Variants in RSPO4 observed in about 807,000 individuals in gnomAD.
RSPO4 encodes the protein R-spondin-4.
In RSPO4, 23 loss-of-function variants were observed where a neutral mutation model predicts 24.8. The ratio of observed to expected loss-of-function variants is 0.93; its 90% CI spans 0.67 to 1.31. The LOEUF is 1.31. Ranked by LOEUF, RSPO4 falls within the 40% of genes most tolerant of loss-of-function variation. RSPO4 has a pLI of 0.00. For synonymous variants in RSPO4, 141 were observed against 127.4 expected, an observed-to-expected ratio of 1.11 and a Z score of -0.72; for missense variants, 333 against 316.5, an observed-to-expected ratio of 1.05 and a Z score of -0.39.
chr20:977,523 T>C (rs1984602802), intron 1 of RSPO4, among the ~76,000 whole-genome samples: 2 of 152,188 alleles, frequency 1.3e-5, no homozygotes, highest in Non-Finnish European at 2.9e-5. Flanking sequence ...GTTACTACCA[T>C]TATTATCACC....
chr20:967,122 C>CGCTCCAGGGAGAGGGGAGGGGCAGGG, intron 3 of RSPO4, 52 bp downstream of exon 3: 1 of 1,580,234 alleles, frequency 6.3e-7, no homozygotes, highest in East Asian at 2.2e-5. Context: ...ACCAAGCCCC[C>CGCTCCAGGGAGAGGGGAGGGGCAGGG]GCTCCAGGGA....
At chr20:980,662 A>G (rs1472097994) in intron 1 of RSPO4, among the ~76,000 whole-genome samples, 7 of 152,080 alleles carry the variant, frequency 4.6e-5, no homozygotes, top group Admixed American at 3.3e-4. Flanking sequence ...GTTGACCTAT[A>G]TGGGCTGGTT....
At chr20:962,812 G>A (rs1208579160) in intron 4 of RSPO4, among the ~76,000 whole-genome samples, 2 of 152,122 alleles carry the variant, frequency 1.3e-5, no homozygotes, top group Non-Finnish European at 2.9e-5. Flanking sequence ...TTTGCATGAC[G>A]AGTTACGTTT....
chr20:967,587 C>A (rs2122217249), intron 2 of RSPO4, among the ~76,000 whole-genome samples: 1 of 152,330 alleles, frequency 6.6e-6, no homozygotes, highest in African/African-American at 2.4e-5. Context: ...GGACTCCCTG[C>A]TTCTTTTTCA....
chr20:990,439 A>C (rs140583486), intron 1 of RSPO4, among the ~76,000 whole-genome samples: 1 of 151,592 alleles, frequency 6.6e-6, no homozygotes, highest in East Asian at 1.9e-4. Flanking sequence ...GTTTTCCTTC[A>C]TTCTTTCTCT....
At chr20:974,907 A>G (rs1984515969) in intron 1 of RSPO4, among the ~76,000 whole-genome samples, 1 of 152,164 alleles carries the variant, frequency 6.6e-6, no homozygotes, top group Non-Finnish European at 1.5e-5. Flanking sequence ...TTGCAACCAG[A>G]TGATTCCCGA....
At chr20:992,644 T>C (rs1963076607) in intron 1 of RSPO4, among the ~76,000 whole-genome samples, 2 of 152,094 alleles carry the variant, frequency 1.3e-5, no homozygotes, top group African/African-American at 4.8e-5. Context: ...GCTCTTATTG[T>C]CCCCATTGTA....
At chr20:979,054 C>T (rs1400994707) in intron 1 of RSPO4, among the ~76,000 whole-genome samples, 6 of 152,160 alleles carry the variant, frequency 3.9e-5, no homozygotes, top group Non-Finnish European at 8.8e-5. Context: ...AAGACTTCAG[C>T]GGCATCCTTG....
chr20:974,480 T>C (rs1466265340), intron 1 of RSPO4, among the ~76,000 whole-genome samples: 1 of 152,260 alleles, frequency 6.6e-6, no homozygotes, highest in African/African-American at 2.4e-5. Flanking sequence ...TAACAGAGGC[T>C]CTGCTCCTCT....
In RSPO4 at chr20:960,222, T is replaced by A; in HGVS notation, c.*135A>T. The A allele has an allele frequency of 4.8e-6, 3 of 630,356 alleles. No homozygotes were observed. The highest frequency in any genetic ancestry group is 2.8e-5 in the East Asian group (1 of 35,382). 39.0% of individuals were successfully genotyped at this position (630,356 alleles called of 1,614,324 possible). A position where few individuals can be genotyped will look rare whatever the true frequency, so the allele number is the denominator to read the frequency against. ...AAGGGAAGGTAGACTGACAGAAAAA[T>A]GATAGAAGGGTGGAAAGAAAGAGAG... On this transcript the variant is annotated 3_prime_UTR_variant, in exon 5 of 5. Coordinates refer to ENST00000217260, the MANE Select transcript of RSPO4 (RefSeq NM_001029871.4).
intron 3 of RSPO4, 55 bp from the exon 4 acceptor site, chr20:964,175 A>AG: frequency 6.9e-7 from 1 of 1,459,484 alleles, no homozygotes; most frequent in Non-Finnish European, 9.3e-7. Flanking sequence ...GCCGGCAGTG[A>AG]GGGTCCTTCA....
intron 1 of RSPO4, among the ~76,000 whole-genome samples, chr20:971,134 G>T (rs917751051): frequency 6.6e-6 from 1 of 152,184 alleles, no homozygotes; most frequent in Non-Finnish European, 1.5e-5. Flanking sequence ...GAGCCACCAC[G>T]ACTGGCCTGA....
At chr20:971,402 G>T (rs1330473018) in intron 1 of RSPO4, among the ~76,000 whole-genome samples, 4 of 152,246 alleles carry the variant, frequency 2.6e-5, no homozygotes, top group African/African-American at 7.2e-5. Context: ...TGTAGAAAGA[G>T]ACAAAGATAT....
intron 1 of RSPO4, among the ~76,000 whole-genome samples, chr20:993,342 ACCCAT>A (rs1288447717): frequency 6.6e-6 from 1 of 152,200 alleles, no homozygotes; most frequent in African/African-American, 2.4e-5. Context: ...AGTTGGCGTC[ACCCAT>A]CCGGAGATGG....
At chr20:998,287 T>C (rs1186607241) in intron 1 of RSPO4, among the ~76,000 whole-genome samples, 1 of 152,112 alleles carries the variant, frequency 6.6e-6, no homozygotes. Flanking sequence ...CTTGCCCAAA[T>C]GGACCTCCAG....
chr20:990,967 C>G (rs760382683), intron 1 of RSPO4, among the ~76,000 whole-genome samples: 1 of 152,192 alleles, frequency 6.6e-6, no homozygotes, highest in Admixed American at 6.5e-5. Context: ...GGAGCATTGT[C>G]GCAACTGAGC....
rs1983933274 is a variant in RSPO4, at chr20:960,003, T to G, written c.*354A>C. 2.7e-6 allele frequency: 1 copy of G among 365,966 alleles called. No individual in the cohort carries two copies. The highest frequency in any genetic ancestry group is 5.1e-6 in the Non-Finnish European group (1 of 196,510). 22.7% of individuals were successfully genotyped at this position (365,966 alleles called of 1,614,324 possible). A position where few individuals can be genotyped will look rare whatever the true frequency, so the allele number is the denominator to read the frequency against. ...GGAGGGCACAGGCTCATGGTCCCTC[T>G]TAAAGTGTGTGTGAGAGGGAGACAA... On this transcript the variant is annotated 3_prime_UTR_variant, in exon 5 of 5. Coordinates refer to ENST00000217260, the MANE Select transcript of RSPO4 (RefSeq NM_001029871.4).
chr20:986,983 C>T (rs1277132145), intron 1 of RSPO4, among the ~76,000 whole-genome samples: 2 of 152,140 alleles, frequency 1.3e-5, no homozygotes, highest in African/African-American at 4.8e-5. Flanking sequence ...GTAAAAGACT[C>T]CGGCACCCTC....
At position 959,490 on chromosome 20, in the gene RSPO4, T is replaced by G. The variant is rs1983915577; in HGVS notation, c.*867A>C. On this transcript the variant is annotated 3_prime_UTR_variant, in exon 5 of 5. Transcript: ENST00000217260. ...CTTTCCTTTCCGTTTCAGTGGCCTC[T>G]TCTGGGCTGGGCAGGTGGATCCCCC... The G allele has an allele frequency of 6.6e-6, 1 of 152,500 alleles. No homozygotes were observed. Among genetic ancestry groups the G allele is most frequent in the East Asian group, 1.9e-4 (1 of 5,196 alleles). The allele number at this position is 152,500 out of a possible 1,614,324, so 9.4% of individuals were successfully genotyped here. A position where few individuals can be genotyped will look rare whatever the true frequency, so the allele number is the denominator to read the frequency against.
Sources: allele counts gnomAD v4.1 joint callset (sites outside exome capture counted in the v4.1 genomes callset), GRCh38; gene constraint gnomAD v4.1.1; transcripts MANE v1.5; gene names NCBI Gene and HGNC (gene_info 2026-07-23, HGNC 2026-07-21).